Variants in TUFM observed in about 807,000 individuals in gnomAD.
TUFM encodes the protein Tu translation elongation factor, mitochondrial.
A neutral mutation model predicts 45.0 loss-of-function variants in TUFM; 23 were observed. That is an observed-to-expected ratio of 0.51 (90% confidence interval 0.37 to 0.72). TUFM has a LOEUF of 0.72. Ranked by LOEUF, TUFM falls within the 30% of genes least tolerant of loss-of-function variation. The pLI is 0.00. For synonymous variants in TUFM, 243 were observed against 252.9 expected (o/e 0.96, Z 0.37); for missense variants, 490 against 610.7 (o/e 0.80, Z 2.08).
chr16:28,843,644 G>C, intron 9 of TUFM, 92 bp downstream of exon 9: 1 of 1,565,436 alleles, frequency 6.4e-7, no homozygotes, highest in Non-Finnish European at 8.7e-7. Context: ...AAAGCCACTC[G>C]GGTTGTCACA....
In TUFM at chr16:28,844,232, G is replaced by C; in HGVS notation, c.920C>G (p.Thr307Arg). 1.2e-6 allele frequency: 2 copies of C among 1,614,106 alleles called. No homozygotes were observed. Among genetic ancestry groups the C allele is most frequent in the Non-Finnish European group, 1.7e-6 (2 of 1,179,996 alleles). Residue 307 changes from threonine to arginine, a missense_variant and splice_region_variant, in exon 7 of 10, where the codon ACA becomes AGA. Transcript: ENST00000313511. The surrounding 1 kb of genome is among the most constrained non-coding windows in gnomAD (Gnocchi z 5.8). Reference protein sequence around the residue: ...GHSKNIRTVVTGIEMFHKSLE... With the variant: ...GHSKNIRTVVRGIEMFHKSLE... ...CTCTCCAGACTGGCTTCCCAAACCTGTCACCACAGTGCGGATGTTCTTGCT... is the reference window on the plus strand; with the variant it reads ...CTCTCCAGACTGGCTTCCCAAACCTCTCACCACAGTGCGGATGTTCTTGCT...
Position 28,843,778 on chromosome 16 carries a change from CAG to C in TUFM, c.1150_1151del (p.Leu384AspfsTer63). 1 of 1,613,854 alleles carries C rather than the reference CAG, an allele frequency of 6.2e-7. No individual in the cohort carries two copies. Among genetic ancestry groups the C allele is most frequent in the East Asian group, 2.2e-5 (1 of 44,884 alleles). ...VSHFMPVMFSLTWDMACRIIL... is the reference protein window; with the variant it reads ...VSHFMPVMFSXTWDMACRIIL... ...TAATCCGACAGGCCATGTCCCAAGT[CAG>C]GGAGAACATGACAGGCATGAAGTGG... is the stretch of plus-strand genomic sequence containing the variant. On this transcript the variant is annotated frameshift_variant, in exon 9 of 10. Transcript: ENST00000313511. LOFTEE classifies it high-confidence loss of function.
Position 28,844,312 on chromosome 16 carries a change from A to G in TUFM, c.840T>C (p.Gly280=), listed in dbSNP as rs1961875290. The change falls in exon 7 of 10, where the codon GGT becomes GGC. Residue 280 remains glycine, a synonymous_variant. Transcript: ENST00000313511. This position sits in a 1 kb window ranked among gnomAD's most constrained non-coding sequence, Gnocchi z 5.8. ...TCTTTAAAATGCCACGCTCTAGTGT[A>G]CCTGTCACCACGGTGCCACGGCCTG... is the stretch of plus-strand genomic sequence containing the variant. ...SVPGRGTVVT[G]TLERGILKKG... The G allele has an allele frequency of 1.9e-6, 3 of 1,614,158 alleles. No homozygotes were observed. Among genetic ancestry groups the G allele is most frequent in the Non-Finnish European group, 2.5e-6 (3 of 1,180,032 alleles).
Position 28,844,503 on chromosome 16 carries a change from C to T in TUFM, c.733G>A (p.Ala245Thr). ...GLKSVQKLLD[A>T]VDTYIPVPAR... ...GGCACTGGGATGTAAGTGTCCACAGCATCCAGTAGCTTCTGCACAGACTTC... is the reference window on the plus strand; with the variant it reads ...GGCACTGGGATGTAAGTGTCCACAGTATCCAGTAGCTTCTGCACAGACTTC... The change falls in exon 6 of 10, where the codon GCT (alanine) becomes ACT (threonine). Residue 245 changes from alanine to threonine, a missense_variant. By Grantham distance (58) the Ala-to-Thr change is moderately conservative. Coordinates refer to ENST00000313511, the MANE Select transcript of TUFM (RefSeq NM_003321.5). The surrounding 1 kb of genome is among the most constrained non-coding windows in gnomAD (Gnocchi z 5.8). The T allele has an allele frequency of 6.2e-7, 1 of 1,614,132 alleles. No individual in the cohort carries two copies. The highest frequency in any genetic ancestry group is 8.5e-7 in the Non-Finnish European group (1 of 1,180,042).
In TUFM at chr16:28,844,251, TC is replaced by T; in HGVS notation, c.900del (p.Asn301ThrfsTer6). The T allele has an allele frequency of 6.2e-7, 1 of 1,614,136 alleles. No homozygotes were observed. Among genetic ancestry groups the T allele is most frequent in the Non-Finnish European group, 8.5e-7 (1 of 1,180,016 alleles). The part of the protein sequence containing the change: ...GDECELLGHS[K>X]NIRTVVTGIE... ...AAACCTGTCACCACAGTGCGGATGT[TC>T]TTGCTATGTCCTAGGAGCTCACACT... On this transcript the variant is annotated frameshift_variant, in exon 7 of 10. Coordinates refer to ENST00000313511, the MANE Select transcript of TUFM (RefSeq NM_003321.5). LOFTEE classifies it high-confidence loss of function. The surrounding 1 kb of genome is among the most constrained non-coding windows in gnomAD (Gnocchi z 5.8).
In TUFM at chr16:28,846,051, G is replaced by A. The variant is rs2152148095; in HGVS notation, c.108C>T (p.Ala36=). The A allele has an allele frequency of 5.0e-6, 8 of 1,613,722 alleles. No individual in the cohort carries two copies. Among genetic ancestry groups the A allele is most frequent in the Non-Finnish European group, 6.8e-6 (8 of 1,179,954 alleles). The change falls in exon 2 of 10, where the codon GCC becomes GCT. Residue 36 remains alanine (A), a synonymous_variant. Transcript: ENST00000313511. The part of the protein sequence containing the change: ...LLQGLLRLLK[A]PALPLLCRGL... ...CGCGGCACAAGAGAGGCAATGCCGG[G>A]GCTTTCAGCAGCCGCAACAGACCCT...
Position 28,844,957 on chromosome 16 carries a change from G to A in TUFM, c.513C>T (p.Ala171=). The change falls in exon 4 of 10, where the codon GCC becomes GCT. Residue 171 remains alanine (A), a synonymous_variant. Coordinates refer to ENST00000313511, the MANE Select transcript of TUFM (RefSeq NM_003321.5). This position sits in a 1 kb window ranked among gnomAD's most constrained non-coding sequence, Gnocchi z 5.8. ...MPQTREHLLL[A]RQIGVEHVVV... is the part of the protein sequence containing the mutation. ...TTACCCAGGCTCTGAGTACCTGTCT[G>A]GCCAGTAATAAGTGCTCTCGGGTCT... 6.2e-7 allele frequency: 1 copy of A among 1,614,130 alleles called. No homozygotes were observed. Among genetic ancestry groups the A allele is most frequent in the Non-Finnish European group, 8.5e-7 (1 of 1,180,024 alleles).
Position 28,844,004 on chromosome 16 carries a change from G to C in TUFM, c.1020C>G (p.Gly340=). The change falls in exon 8 of 10, where the codon GGC becomes GGG. Residue 340 remains glycine, a synonymous_variant. Coordinates refer to ENST00000313511, the MANE Select transcript of TUFM (RefSeq NM_003321.5). The surrounding 1 kb of genome is among the most constrained non-coding windows in gnomAD (Gnocchi z 5.8). The part of the protein sequence containing the change: ...RGLKREDLRR[G]LVMVKPGSIK... ...TGGAACCTGGCTTGACCATGACCAG[G>C]CCCCGCCGCAAGTCCTCCCGCTTCA... 6.2e-7 allele frequency: 1 copy of C among 1,614,084 alleles called. No homozygotes were observed. Among genetic ancestry groups the C allele is most frequent in the Non-Finnish European group, 8.5e-7 (1 of 1,180,020 alleles).
At chr16:28,845,605 A>T in intron 2 of TUFM, 125 bp from the exon 3 acceptor site, 1 of 1,253,920 alleles carries the variant, frequency 8.0e-7, no homozygotes, top group Non-Finnish European at 1.1e-6. Context: ...CTTCCAGCAG[A>T]GAGAACTGTG....
chr16:28,843,663 T>G (rs1961856518), intron 9 of TUFM, 73 bp downstream of exon 9: 1 of 1,600,364 alleles, frequency 6.2e-7, no homozygotes, highest in South Asian at 1.1e-5. Context: ...CAGTGTATCT[T>G]TGGAACTATG....
rs1567455362 is a variant in TUFM, at chr16:28,846,179, AGT to A, written c.52+37_52+38del. On this transcript the variant is annotated intron_variant, in intron 1 of 9. Coordinates refer to ENST00000313511, the MANE Select transcript of TUFM (RefSeq NM_003321.5). ...ACCCAGCCACCTACCACTCCCCCAA[AGT>A]GTTCCTGGGCCGCCATCGCCCTCCC... 9.4e-6 allele frequency: 15 copies of A among 1,595,620 alleles called. No homozygotes were observed. The East Asian group carries it at 1.6e-4, about 17-fold the overall frequency.
chr16:28,844,420 A>G lies in TUFM; in HGVS notation c.816T>C (p.Pro272=), dbSNP rs755435375. 8.1e-6 allele frequency: 13 copies of G among 1,614,074 alleles called. No individual in the cohort carries two copies. The highest frequency in any genetic ancestry group is 1.0e-5 in the Non-Finnish European group (12 of 1,180,042). Residue 272 remains proline (P), a splice_region_variant and synonymous_variant, in exon 6 of 10, where the codon CCT becomes CCC. Coordinates refer to ENST00000313511, the MANE Select transcript of TUFM (RefSeq NM_003321.5). This position sits in a 1 kb window ranked among gnomAD's most constrained non-coding sequence, Gnocchi z 5.8. Reference sequence around the variant, plus strand: ...CGTGGGAACAGACAGAGTCCTCACCAGGGACGGAGTACACCGCCTCCACAG... The same window carrying G: ...CGTGGGAACAGACAGAGTCCTCACCGGGGACGGAGTACACCGCCTCCACAG... ...LLPVEAVYSV[P]GRGTVVTGTL...
chr16:28,844,576 C>CT lies in TUFM; in HGVS notation c.685-26dup. ...CCTGTTGAGGGGAAGTGCCAGGACT[C>CT]TGAAATCCCCATTCTACTTCCCTCG... On this transcript the variant is annotated intron_variant, in intron 5 of 9. Transcript: ENST00000313511. The surrounding 1 kb of genome is among the most constrained non-coding windows in gnomAD (Gnocchi z 5.8). The CT allele has an allele frequency of 6.2e-7, 1 of 1,613,122 alleles. No homozygotes were observed. The highest frequency in any genetic ancestry group is 8.5e-7 in the Non-Finnish European group (1 of 1,180,008).
chr16:28,844,209 C>T lies in TUFM; in HGVS notation c.922+21G>A, dbSNP rs1208414817. 2 of 1,613,882 alleles carry T rather than the reference C, an allele frequency of 1.2e-6. No individual in the cohort carries two copies. Among genetic ancestry groups the T allele is most frequent in the Non-Finnish European group, 1.7e-6 (2 of 1,179,750 alleles). ...GGCCACCCTTCAGCCAGGCCCTGCTCTCCAGACTGGCTTCCCAAACCTGTC... is the reference window on the plus strand; with the variant it reads ...GGCCACCCTTCAGCCAGGCCCTGCTTTCCAGACTGGCTTCCCAAACCTGTC... On this transcript the variant is annotated intron_variant, in intron 7 of 9. Transcript: ENST00000313511. This position sits in a 1 kb window ranked among gnomAD's most constrained non-coding sequence, Gnocchi z 5.8.
At chr16:28,845,129 C>G in intron 3 of TUFM, 74 bp from the exon 4 acceptor site, 1 of 1,582,528 alleles carries the variant, frequency 6.3e-7, no homozygotes, top group Admixed American at 1.7e-5. Flanking sequence ...CCAAGTGTAG[C>G]AGTTAGAAAC....
Position 28,846,343 on chromosome 16 carries a change from G to A in TUFM, c.-74C>T. 2 of 1,506,708 alleles carry A rather than the reference G, an allele frequency of 1.3e-6. No homozygotes were observed. The highest frequency in any genetic ancestry group is 1.8e-6 in the Non-Finnish European group (2 of 1,114,144). 93.3% of individuals were successfully genotyped at this position (1,506,708 alleles called of 1,614,324 possible). A position where few individuals can be genotyped will look rare whatever the true frequency, so the allele number is the denominator to read the frequency against. ...AGAAGAAGAAGGGCGCCTGCGGCTG[G>A]AAGGCACTTCCGGCGGAAGTTAGAG... On this transcript the variant is annotated 5_prime_UTR_variant, in exon 1 of 10. Transcript: ENST00000313511.
At chr16:28,845,583 C>T in intron 2 of TUFM, 103 bp from the exon 3 acceptor site, 1 of 1,360,420 alleles carries the variant, frequency 7.4e-7, no homozygotes, top group South Asian at 1.2e-5. Flanking sequence ...TAACCTCCTC[C>T]AATCTCTAAC....
intron 8 of TUFM, 41 bp downstream of exon 8, chr16:28,843,909 A>G (rs1454382282): frequency 6.2e-7 from 1 of 1,613,736 alleles, no homozygotes; most frequent in East Asian, 2.2e-5. Flanking sequence ...GGCTGGGGAG[A>G]GCTTGGCTCA....
intron 9 of TUFM, 152 bp downstream of exon 9, chr16:28,843,584 C>A (rs1961854394): frequency 2.5e-6 from 3 of 1,177,790 alleles, no homozygotes; most frequent in South Asian, 1.5e-5. Context: ...TGGGCCATGC[C>A]CCTTCTGTTG....
Sources: allele counts gnomAD v4.1 joint callset, GRCh38; gene constraint gnomAD v4.1.1; non-coding constraint Gnocchi (gnomAD v3.1); transcripts MANE v1.5; gene names NCBI Gene and HGNC (gene_info 2026-07-23, HGNC 2026-07-21).